EFR3B: variants seen among roughly 807,000 people sequenced by gnomAD.
The protein encoded by EFR3B is EFR3 homolog B, also known as protein EFR3 homolog B.
EFR3B carries 64 observed loss-of-function variants against 104.7 expected under a neutral mutation model. The ratio of observed to expected loss-of-function variants is 0.61; its 90% CI spans 0.50 to 0.75. EFR3B has a LOEUF of 0.75. EFR3B is among the 30% of genes least tolerant of loss of function. The pLI, the probability that EFR3B is intolerant of heterozygous loss-of-function variation, is 0.00. For synonymous variants in EFR3B, 385 were observed against 417.9 expected, an observed-to-expected ratio of 0.92 and a Z score of 0.96; for missense variants, 750 against 1,078.5, an observed-to-expected ratio of 0.70 and a Z score of 4.27.
intron 2 of EFR3B, 29 bp downstream of exon 2, chr2:25,091,430 G>C: frequency 1.3e-6 from 2 of 1,539,282 alleles, no homozygotes; most frequent in Non-Finnish European, 1.8e-6. Flanking sequence ...AGGCATCGTG[G>C]CTCTCATGGT....
At chr2:25,051,253 A>G (rs1667860108) in intron 1 of EFR3B, among the ~76,000 whole-genome samples, 1 of 152,106 alleles carries the variant, frequency 6.6e-6, no homozygotes. Context: ...CTAGGACTAC[A>G]GGCGTGAGCC....
Position 25,130,606 on chromosome 2 carries a change from T to C in EFR3B, c.825T>C (p.Phe275=), listed in dbSNP as rs991255860. The change falls in exon 8 of 23, where the codon TTT becomes TTC. Residue 275 remains phenylalanine (F), a synonymous_variant. Coordinates refer to ENST00000403714, the MANE Select transcript of EFR3B (RefSeq NM_014971.2). This position sits in a 1 kb window ranked among gnomAD's most constrained non-coding sequence, Gnocchi z 4.6. ...CCAAGGTGTTTGCCATCCGTTGCTT[T>C]AAAATCATCATGTACTCAATTCAGG... ...WEPKVFAIRC[F]KIIMYSIQPQ... 4.5e-6 allele frequency: 7 copies of C among 1,551,638 alleles called. No individual in the cohort carries two copies. The African/African-American group carries it at 8.2e-5, about 18-fold the overall frequency.
At chr2:25,066,904 T>G (rs1055648103) in intron 1 of EFR3B, among the ~76,000 whole-genome samples, 7 of 152,242 alleles carry the variant, frequency 4.6e-5, no homozygotes, top group African/African-American at 1.7e-4. Flanking sequence ...GCGTGTGTGC[T>G]TTAACTCCAA....
chr2:25,058,767 C>G lies in EFR3B; in HGVS notation c.7+16448C>G, dbSNP rs554508638. On this transcript the variant is annotated intron_variant, in intron 1 of 22. Coordinates refer to ENST00000403714, the MANE Select transcript of EFR3B (RefSeq NM_014971.2). ...GAGTGAGACTCTGTCTCCCCGCGCCCCCCCCCCCAAAAAAAAAAACAATAA... is the reference window on the plus strand; with the variant it reads ...GAGTGAGACTCTGTCTCCCCGCGCCGCCCCCCCCAAAAAAAAAAACAATAA... Among the ~76,000 whole-genome samples, 74 of 135,594 alleles carry G rather than the reference C, an allele frequency of 5.5e-4. 1 individual carries two copies. Among genetic ancestry groups the G allele is most frequent in the Non-Finnish European group, 8.9e-4 (56 of 62,624 alleles). The allele number at this position is 135,594 out of a possible 152,430, so 89.0% of individuals were successfully genotyped here. A position where few individuals can be genotyped will look rare whatever the true frequency, so the allele number is the denominator to read the frequency against.
rs1668750160 is a variant in EFR3B at position 25,080,099 on chromosome 2, C to T, written c.8-11226C>T. On this transcript the variant is annotated intron_variant, in intron 1 of 22. Coordinates refer to ENST00000403714, the MANE Select transcript of EFR3B (RefSeq NM_014971.2). ...CCCACAACAGGTATTTCAATTTCCA[C>T]ATCTTTTACTGCCGTGACTATACCC... The T allele has an allele frequency of 6.2e-6, 6 of 972,258 alleles. No homozygotes were observed. In the Admixed American group the frequency reaches 6.9e-5, roughly 11 times the overall value. The allele number at this position is 972,258 out of a possible 1,614,324, so 60.2% of individuals were successfully genotyped here.
Position 25,042,145 on chromosome 2 carries a change from C to G in EFR3B, c.-168C>G. The G allele has an allele frequency of 1.8e-6, 1 of 567,236 alleles. No individual in the cohort carries two copies. The highest frequency in any genetic ancestry group is 2.0e-5 in the African/African-American group (1 of 50,444). 35.1% of individuals were successfully genotyped at this position (567,236 alleles called of 1,614,324 possible). Reference sequence around the variant, plus strand: ...CGCTGAATGGGCTGGCGGCGCCCGGCTCCGTCCTGCCCGCGGCCGGCCCCC... The same window carrying G: ...CGCTGAATGGGCTGGCGGCGCCCGGGTCCGTCCTGCCCGCGGCCGGCCCCC... On this transcript the variant is annotated 5_prime_UTR_variant, in exon 1 of 23. Transcript: ENST00000403714. The surrounding 1 kb of genome is among the most constrained non-coding windows in gnomAD (Gnocchi z 5.4).
At chr2:25,094,282 CAAAAAAAAAAAA>C (rs11455802) in intron 3 of EFR3B, among the ~76,000 whole-genome samples, 1 of 91,678 alleles carries the variant, frequency 1.1e-5, no homozygotes, top group African/African-American at 5.0e-5. Context: ...GAGACTGTCT[CAAAAAAAAAAAA>C]AAAAAAAGAA....
chr2:25,083,901 A>T (rs1668877180), intron 1 of EFR3B, among the ~76,000 whole-genome samples: 2 of 152,190 alleles, frequency 1.3e-5, no homozygotes, highest in South Asian at 4.1e-4. Context: ...TCCCCAAGGG[A>T]CACGTGCACT....
At chr2:25,113,259 A>G (rs1248430451) in intron 4 of EFR3B, among the ~76,000 whole-genome samples, 2 of 152,214 alleles carry the variant, frequency 1.3e-5, no homozygotes, top group African/African-American at 2.4e-5. Flanking sequence ...CCAAACAAAC[A>G]AACAAAAAAC....
chr2:25,059,678 C>G (rs1329035325), intron 1 of EFR3B, among the ~76,000 whole-genome samples: 1 of 148,678 alleles, frequency 6.7e-6, no homozygotes, highest in Non-Finnish European at 1.5e-5. Flanking sequence ...GGTTGCACAA[C>G]AGTGTGAATG....
In EFR3B at chr2:25,092,403, TACAC is replaced by T. The variant is rs35598238; in HGVS notation, c.85-583_85-580del. Reference sequence around the variant, plus strand: ...TTAATGATGCTGTATCATCCATTCCTACACACACACACACACACACTTACACACA... The same window carrying T: ...TTAATGATGCTGTATCATCCATTCCTACACACACACACACACTTACACACA... On this transcript the variant is annotated intron_variant, in intron 2 of 22. Transcript: ENST00000403714. 1.1e-4 allele frequency among the ~76,000 whole-genome samples: 16 copies of T among 143,258 alleles called. No individual in the cohort carries two copies. The South Asian group carries it at 1.4e-3, about 13-fold the overall frequency. The allele number at this position is 143,258 out of a possible 152,430, so 94.0% of individuals were successfully genotyped here. A position where few individuals can be genotyped will look rare whatever the true frequency, so the allele number is the denominator to read the frequency against.
intron 1 of EFR3B, among the ~76,000 whole-genome samples, chr2:25,070,077 T>C (rs755806993): frequency 3.9e-5 from 6 of 152,222 alleles, no homozygotes; most frequent in Non-Finnish European, 7.3e-5. Flanking sequence ...TCCTGGCTAT[T>C]GCCATGGCAA....
At chr2:25,060,134 T>G (rs1479078330) in intron 1 of EFR3B, among the ~76,000 whole-genome samples, 1 of 152,056 alleles carries the variant, frequency 6.6e-6, no homozygotes, top group East Asian at 1.9e-4. Context: ...AGGCGGAGGT[T>G]GCAGTGAGCT....
In EFR3B at chr2:25,132,888, C is replaced by T. The variant is rs955907178; in HGVS notation, c.1148-15C>T. 17 of 1,548,690 alleles carry T rather than the reference C, an allele frequency of 1.1e-5. 1 individual carries two copies. The highest frequency in any genetic ancestry group is 7.2e-5 in the South Asian group (6 of 83,908). On this transcript the variant is annotated splice_polypyrimidine_tract_variant and intron_variant, in intron 10 of 22. Transcript: ENST00000403714. Reference sequence around the variant, plus strand: ...CCTGTGCCTCACTGGGCACCCTCTCCGCCACCTCCTGCAGGCTCCTTTGCC... The same window carrying T: ...CCTGTGCCTCACTGGGCACCCTCTCTGCCACCTCCTGCAGGCTCCTTTGCC...
In EFR3B at chr2:25,157,032, C is replaced by T. The variant is rs1014171940; in HGVS notation, c.*2692C>T. The T allele has an allele frequency of 2.0e-5, 3 of 152,200 alleles. No individual in the cohort carries two copies. The highest frequency in any genetic ancestry group is 7.2e-5 in the African/African-American group (3 of 41,422). 9.4% of individuals were successfully genotyped at this position (152,200 alleles called of 1,614,324 possible). A position where few individuals can be genotyped will look rare whatever the true frequency, so the allele number is the denominator to read the frequency against. On this transcript the variant is annotated 3_prime_UTR_variant, in exon 23 of 23. Transcript: ENST00000403714. ...CATCTTTCCAGAGCCAGCATTAGAACCTGAGATCCCCAGATGTTTCTGCCC... is the reference window on the plus strand; with the variant it reads ...CATCTTTCCAGAGCCAGCATTAGAATCTGAGATCCCCAGATGTTTCTGCCC...
chr2:25,143,696 C>A (rs746902571), intron 17 of EFR3B, 39 bp from the exon 18 acceptor site: 1 of 1,550,230 alleles, frequency 6.5e-7, no homozygotes, highest in South Asian at 1.2e-5. Context: ...TTCTAGATAC[C>A]GCGGTTCTAA....
intron 1 of EFR3B, chr2:25,080,060 T>C: frequency 2.3e-6 from 2 of 884,108 alleles, no homozygotes; most frequent in Non-Finnish European, 3.9e-6. Flanking sequence ...CATCAACTCG[T>C]GTACCTTGTA....
At chr2:25,094,718 T>C (rs930587593) in intron 3 of EFR3B, among the ~76,000 whole-genome samples, 1 of 152,200 alleles carries the variant, frequency 6.6e-6, no homozygotes, top group Non-Finnish European at 1.5e-5. Flanking sequence ...AAAACACTTA[T>C]GCCCTTTCAC....
At chr2:25,070,179 A>G (rs1668456878) in intron 1 of EFR3B, among the ~76,000 whole-genome samples, 1 of 152,178 alleles carries the variant, frequency 6.6e-6, no homozygotes, top group Admixed American at 6.5e-5. Flanking sequence ...CCAGTGTTCA[A>G]GCCCCACCCC....
Sources: gnomAD v4.1 joint callset for allele counts (sites outside exome capture counted in the v4.1 genomes callset) on GRCh38, gnomAD v4.1.1 for gene constraint, Gnocchi (gnomAD v3.1) non-coding constraint, MANE v1.5 for transcripts, NCBI Gene and HGNC (gene_info 2026-07-23, HGNC 2026-07-21) for gene names.